NFILZ: variants seen among roughly 807,000 people sequenced by gnomAD.
NFILZ encodes NFIL3 like basic leucine zipper, also known as NFIL3 like protein.
At chr19:8,652,972 CTT>C (rs2042972068) in intron 3 of NFILZ, among the ~76,000 whole-genome samples, 1 of 98,636 alleles carries the variant, frequency 1.0e-5, no homozygotes, top group Non-Finnish European at 1.9e-5. Context: ...TCCTTCCCTC[CTT>C]CCTTCCTTCC....
At chr19:8,645,246 A>G (rs1219358036) in intron 3 of NFILZ, among the ~76,000 whole-genome samples, 2 of 146,682 alleles carry the variant, frequency 1.4e-5, no homozygotes, top group African/African-American at 5.1e-5. Flanking sequence ...TGATCCTCCC[A>G]CCTCAGCCTC....
At chr19:8,648,098 T>TG (rs1403718449) in intron 3 of NFILZ, among the ~76,000 whole-genome samples, 1 of 133,826 alleles carries the variant, frequency 7.5e-6, no homozygotes, top group African/African-American at 2.8e-5. Context: ...GCTGTGAACC[T>TG]GGGAGGTGGA....
chr19:8,675,896 A>C (rs1555750657), intron 4 of NFILZ, among the ~76,000 whole-genome samples: 1 of 152,216 alleles, frequency 6.6e-6, no homozygotes, highest in African/African-American at 2.4e-5. Context: ...GAATGGAGGA[A>C]TAGATGGTGG....
intron 3 of NFILZ, among the ~76,000 whole-genome samples, chr19:8,656,259 A>G (rs1476364762): frequency 2.5e-5 from 3 of 120,884 alleles, no homozygotes; most frequent in Admixed American, 9.0e-5. Context: ...CACGCAGCCC[A>G]TCTTCTCTCT....
chr19:8,653,041 T>TCC (rs1363101240), intron 3 of NFILZ, among the ~76,000 whole-genome samples: 32 of 63,256 alleles, frequency 5.1e-4, no homozygotes, highest in East Asian at 1.4e-3. Flanking sequence ...TCTTTCTTTC[T>TCC]CTCTCTCTCT....
At chr19:8,631,981 C>T (rs879989866) in intron 1 of NFILZ, among the ~76,000 whole-genome samples, 3 of 151,730 alleles carry the variant, frequency 2.0e-5, no homozygotes, top group Non-Finnish European at 4.4e-5. Context: ...GCAATTCTTT[C>T]GTCTCAGCCT....
At chr19:8,636,075 G>A (rs1213739610) in intron 3 of NFILZ, among the ~76,000 whole-genome samples, 1 of 151,978 alleles carries the variant, frequency 6.6e-6, no homozygotes, top group Non-Finnish European at 1.5e-5. Context: ...GGCCTCAAGT[G>A]TTCTACCCGG....
intron 3 of NFILZ, among the ~76,000 whole-genome samples, chr19:8,652,985 T>C (rs1253918568): frequency 4.6e-4 from 21 of 46,036 alleles, no homozygotes; most frequent in African/African-American, 8.3e-4. Context: ...CCTTCCTTCC[T>C]TCCTTCCTTC....
At chr19:8,663,748 G>GTGTA (rs1568423380) in intron 3 of NFILZ, among the ~76,000 whole-genome samples, 1 of 139,376 alleles carries the variant, frequency 7.2e-6, no homozygotes, top group African/African-American at 2.8e-5. Context: ...GTGTGTGTGT[G>GTGTA]TGTGTGTGTG....
chr19:8,667,443 G>T (rs1479254678), intron 3 of NFILZ, among the ~76,000 whole-genome samples: 1 of 152,106 alleles, frequency 6.6e-6, no homozygotes, highest in Non-Finnish European at 1.5e-5. Flanking sequence ...GATTGGTTCT[G>T]GGGTCTCCCT....
chr19:8,670,717 A>G (rs2043082615), intron 3 of NFILZ, among the ~76,000 whole-genome samples: 1 of 152,168 alleles, frequency 6.6e-6, no homozygotes, highest in African/African-American at 2.4e-5. Flanking sequence ...AGACATGGCC[A>G]GGCGCTCTGG....
chr19:8,651,089 C>T (rs971749396), intron 3 of NFILZ, among the ~76,000 whole-genome samples: 44 of 152,108 alleles, frequency 2.9e-4, no homozygotes, highest in African/African-American at 8.7e-4. Context: ...GTAATTGTGA[C>T]GTCCATTACC....
chr19:8,630,984 A>C (rs1210393716), intron 1 of NFILZ, among the ~76,000 whole-genome samples: 1 of 152,100 alleles, frequency 6.6e-6, no homozygotes, highest in African/African-American at 2.4e-5. Context: ...CGGCCAAGTG[A>C]GGGGATTAAG....
At chr19:8,674,940 T>G (rs1293287983) in intron 4 of NFILZ, among the ~76,000 whole-genome samples, 1 of 152,198 alleles carries the variant, frequency 6.6e-6, no homozygotes, top group Non-Finnish European at 1.5e-5. Context: ...TCTGCCAAAG[T>G]GAACAGAAAA....
chr19:8,669,591 C>T (rs2043077908), intron 3 of NFILZ, among the ~76,000 whole-genome samples: 1 of 152,238 alleles, frequency 6.6e-6, no homozygotes, highest in Non-Finnish European at 1.5e-5. Flanking sequence ...AAACCAACCT[C>T]TACCCTTCAG....
At chr19:8,647,649 C>T (rs559027384) in intron 3 of NFILZ, among the ~76,000 whole-genome samples, 1 of 150,214 alleles carries the variant, frequency 6.7e-6, no homozygotes, top group South Asian at 2.1e-4. Context: ...AGCCATCATT[C>T]TCAGCAACCT....
At position 8,678,104 on chromosome 19, in the gene NFILZ, T is replaced by TCCATTCTTCCATCCAC. The variant is rs2043123910; in HGVS notation, c.*473_*474insTCTTCCATCCACCCAT. Among the ~76,000 whole-genome samples, 1 of 147,486 alleles carries TCCATTCTTCCATCCAC rather than the reference T, an allele frequency of 6.8e-6. No homozygotes were observed. The highest frequency in any genetic ancestry group is 2.5e-5 in the African/African-American group (1 of 39,580). ...TCCATCCATCCATTCCATCCATCCATCCATCCATCCATCCATCCATCCCTC... is the reference window on the plus strand; with the variant it reads ...TCCATCCATCCATTCCATCCATCCATCCATTCTTCCATCCACCCATCCATCCATCCATCCATCCCTC... On this transcript the variant is annotated 3_prime_UTR_variant, in exon 6 of 6. Transcript: ENST00000691075.
intron 3 of NFILZ, among the ~76,000 whole-genome samples, chr19:8,667,229 G>T (rs963062145): frequency 5.3e-5 from 8 of 152,180 alleles, no homozygotes; most frequent in Non-Finnish European, 1.0e-4. Flanking sequence ...GCCACAAGTG[G>T]CTCCAGGGCT....
intron 3 of NFILZ, among the ~76,000 whole-genome samples, chr19:8,659,118 G>A (rs1349042035): frequency 6.6e-6 from 1 of 151,738 alleles, no homozygotes; most frequent in Non-Finnish European, 1.5e-5. Flanking sequence ...GTAGTGGTGT[G>A]TGCCTGTGAT....
Sources: gnomAD v4.1 joint callset for allele counts (sites outside exome capture counted in the v4.1 genomes callset) on GRCh38, gnomAD v4.1.1 for gene constraint, MANE v1.5 for transcripts, NCBI Gene and HGNC (gene_info 2026-07-23, HGNC 2026-07-21) for gene names.